The following KCNK12 variants were observed in gnomAD, a reference collection of about 807,000 sequenced individuals.
The protein encoded by KCNK12 is potassium channel subfamily K member 12.
Under a neutral mutation model 25.3 loss-of-function variants are expected in KCNK12, and 6 were observed. The observed-to-expected ratio is 0.24, with a 90% CI of 0.13 to 0.47. The LOEUF is 0.47. KCNK12 is among the 20% of genes least tolerant of loss of function. The probability of loss-of-function intolerance (pLI) is 0.99; values close to 1 mark genes in which losing one functional copy is unlikely to be tolerated. For synonymous variants in KCNK12, 331 were observed against 311.1 expected (o/e 1.06, Z -0.67); for missense variants, 444 against 661.7 (o/e 0.67, Z 3.61).
chr2:47,516,219 C>T lies in KCNK12; in HGVS notation c.*4688G>A, dbSNP rs946284140. ...CAAGTCCATGACTGCCCATTAGAAT[C>T]CCCCCAAAAAATTCCAGGACTGGCC... On this transcript the variant is annotated 3_prime_UTR_variant, in exon 2 of 2. Transcript: ENST00000327876. Among the ~76,000 whole-genome samples, 7 of 152,150 alleles carry T rather than the reference C, an allele frequency of 4.6e-5. No individual in the cohort carries two copies. Among genetic ancestry groups the T allele is most frequent in the African/African-American group, 1.7e-4 (7 of 41,414 alleles).
rs1669768988 is a variant in KCNK12, at chr2:47,565,325, T to C, written c.391+4616A>G. The C allele has an allele frequency of 6.6e-6, 1 of 152,246 alleles. No homozygotes were observed. The highest frequency in any genetic ancestry group is 1.5e-5 in the Non-Finnish European group (1 of 68,044). 9.4% of individuals were successfully genotyped at this position (152,246 alleles called of 1,614,324 possible). ...ATGTGGTAGTGACATTTTGGGCTTATAATGTCTTAGTTTCCTTTGTAGCAA... is the reference window on the plus strand; with the variant it reads ...ATGTGGTAGTGACATTTTGGGCTTACAATGTCTTAGTTTCCTTTGTAGCAA... On this transcript the variant is annotated intron_variant, in intron 1 of 1. Coordinates refer to ENST00000327876, the MANE Select transcript of KCNK12 (RefSeq NM_022055.2). The surrounding 1 kb of genome is among the most constrained non-coding windows in gnomAD (Gnocchi z 5.0).
chr2:47,522,777 G>A lies in KCNK12; in HGVS notation c.392-969C>T, dbSNP rs567170247. 3.9e-5 allele frequency among the ~76,000 whole-genome samples: 6 copies of A among 152,348 alleles called. No individual in the cohort carries two copies. In the South Asian group the frequency reaches 1.0e-3, roughly 26 times the overall value. ...CTAGTTCTTACAGTGTGAATATGGGGTGACAAGAAAATGTGCATTTCAAAT... is the reference window on the plus strand; with the variant it reads ...CTAGTTCTTACAGTGTGAATATGGGATGACAAGAAAATGTGCATTTCAAAT... On this transcript the variant is annotated intron_variant, in intron 1 of 1. Coordinates refer to ENST00000327876, the MANE Select transcript of KCNK12 (RefSeq NM_022055.2).
intron 1 of KCNK12, among the ~76,000 whole-genome samples, chr2:47,546,291 G>A (rs781350148): frequency 4.6e-5 from 7 of 152,234 alleles, no homozygotes; most frequent in Non-Finnish European, 8.8e-5. Flanking sequence ...GTTTTCTGAT[G>A]AAGATGCACT....
At position 47,570,474 on chromosome 2, in the gene KCNK12, T is replaced by C. The variant is rs1267422252; in HGVS notation, c.-143A>G. On this transcript the variant is annotated 5_prime_UTR_variant, in exon 1 of 2. Coordinates refer to ENST00000327876, the MANE Select transcript of KCNK12 (RefSeq NM_022055.2). ...CTCGCCGCCTTCGCAGAGCCCCTCG[T>C]CGCCTTCCCAGAGCCCGGACAGAGG... 1 of 896,390 alleles carries C rather than the reference T, an allele frequency of 1.1e-6. No individual in the cohort carries two copies. Among genetic ancestry groups the C allele is most frequent in the Non-Finnish European group, 1.4e-6 (1 of 695,742 alleles). The allele number at this position is 896,390 out of a possible 1,614,324, so 55.5% of individuals were successfully genotyped here.
chr2:47,520,995 A>G lies in KCNK12; in HGVS notation c.1205T>C (p.Val402Ala). 1 of 1,361,714 alleles carries G rather than the reference A, an allele frequency of 7.3e-7. No homozygotes were observed. The highest frequency in any genetic ancestry group is 1.7e-5 in the South Asian group (1 of 57,870). The allele number at this position is 1,361,714 out of a possible 1,614,324, so 84.4% of individuals were successfully genotyped here. The change falls in exon 2 of 2, where the codon GTC becomes GCC. Residue 402 changes from valine (V) to alanine (A), a missense_variant. Transcript: ENST00000327876. This position sits in a 1 kb window ranked among gnomAD's most constrained non-coding sequence, Gnocchi z 5.0. ...TANGYPRSVC[V>A]NTRQNGFSGG... ...CGAGAAGCCGTTCTGGCGCGTGTTG[A>G]CGCACACGCTGCGCGGGTAGCCGTT...
intron 1 of KCNK12, among the ~76,000 whole-genome samples, chr2:47,532,243 T>TG (rs1215742354): frequency 2.7e-5 from 4 of 150,526 alleles, no homozygotes; most frequent in African/African-American, 9.8e-5. Context: ...AAAAAAACCC[T>TG]GGGGAGCACT....
Position 47,512,575 on chromosome 2 carries a change from A to C in KCNK12, c.*8332T>G, listed in dbSNP as rs534696597. ...GTCAGGAATATAACTTTCTCTGCCC[A>C]GATTCCAGGACTTACAGTGAGAAAG... On this transcript the variant is annotated 3_prime_UTR_variant, in exon 2 of 2. Transcript: ENST00000327876. 1 of 950,074 alleles carries C rather than the reference A, an allele frequency of 1.1e-6. No homozygotes were observed. Among genetic ancestry groups the C allele is most frequent in the African/African-American group, 1.7e-5 (1 of 60,158 alleles). The allele number at this position is 950,074 out of a possible 1,614,324, so 58.9% of individuals were successfully genotyped here.
In KCNK12 at chr2:47,570,048, C is replaced by G. The variant is rs1346592393; in HGVS notation, c.284G>C (p.Arg95Pro). 2.1e-6 allele frequency: 3 copies of G among 1,415,830 alleles called. No individual in the cohort carries two copies. Among genetic ancestry groups the G allele is most frequent in the Non-Finnish European group, 1.8e-6 (2 of 1,085,448 alleles). The allele number at this position is 1,415,830 out of a possible 1,614,324, so 87.7% of individuals were successfully genotyped here. The change falls in exon 1 of 2, where the codon CGG becomes CCG. Residue 95 changes from arginine to proline, a missense_variant. Transcript: ENST00000327876. The part of the protein sequence containing the change: ...VAEPELRAFL[R>P]HYEAALAAGV... ...GGCGGCCAGCGCGGCCTCGTAGTGC[C>G]GGAGGAAGGCGCGCAGCTCTGGCTC...
chr2:47,530,564 C>T (rs200549710), intron 1 of KCNK12, among the ~76,000 whole-genome samples: 13 of 152,186 alleles, frequency 8.5e-5, no homozygotes, highest in Non-Finnish European at 1.9e-4. Flanking sequence ...ACTATTTCCA[C>T]GCACCGTGCC....
In KCNK12 at chr2:47,514,252, T is replaced by G. The variant is rs1573615429; in HGVS notation, c.*6655A>C. Among the ~76,000 whole-genome samples, 1 of 152,360 alleles carries G rather than the reference T, an allele frequency of 6.6e-6. No individual in the cohort carries two copies. Among genetic ancestry groups the G allele is most frequent in the South Asian group, 2.1e-4 (1 of 4,832 alleles). ...GAGAGCCTTCTCTGCCTACCCAGGC[T>G]GGGTGGCTGCCTCTCTTTGGTGTGC... On this transcript the variant is annotated 3_prime_UTR_variant, in exon 2 of 2. Transcript: ENST00000327876. This position sits in a 1 kb window ranked among gnomAD's most constrained non-coding sequence, Gnocchi z 5.0.
chr2:47,563,678 C>T lies in KCNK12; in HGVS notation c.391+6263G>A, dbSNP rs77927218. The stretch of plus-strand genomic sequence containing the variant: ...ACTGGTCCGGACTCCAGCCCCCACC[C>T]CTAATTACAGCAGCTCTGCTCCTAT... On this transcript the variant is annotated intron_variant, in intron 1 of 1. Transcript: ENST00000327876. 4.8e-3 allele frequency: 1,121 copies of T among 233,132 alleles called. 18 individuals are homozygous for T. Among genetic ancestry groups the T allele is most frequent in the African/African-American group, 0.023 (1,053 of 45,426 alleles). The allele number at this position is 233,132 out of a possible 1,614,324, so 14.4% of individuals were successfully genotyped here. A position where few individuals can be genotyped will look rare whatever the true frequency, so the allele number is the denominator to read the frequency against.
intron 1 of KCNK12, among the ~76,000 whole-genome samples, chr2:47,542,874 A>G (rs1669230578): frequency 6.6e-6 from 1 of 152,180 alleles, no homozygotes; most frequent in Non-Finnish European, 1.5e-5. Flanking sequence ...GGGCCAACAA[A>G]TACTTGGGTC....
chr2:47,523,230 TAGAGTTA>T (rs1668699713), intron 1 of KCNK12, among the ~76,000 whole-genome samples: 1 of 152,326 alleles, frequency 6.6e-6, no homozygotes, highest in East Asian at 1.9e-4. Flanking sequence ...ACCAGGTAGC[TAGAGTTA>T]ATGGTCTCTG....
intron 1 of KCNK12, among the ~76,000 whole-genome samples, chr2:47,553,148 C>T (rs1669474619): frequency 6.6e-6 from 1 of 152,214 alleles, no homozygotes; most frequent in Middle Eastern, 3.2e-3. Context: ...GTGAGGTAGA[C>T]CTCATTGCAA....
In KCNK12 at chr2:47,520,487, G is replaced by T. The variant is rs1328508689; in HGVS notation, c.*420C>A. The T allele has an allele frequency of 6.3e-6, 1 of 158,210 alleles. No homozygotes were observed. The highest frequency in any genetic ancestry group is 1.4e-5 in the Non-Finnish European group (1 of 72,404). 9.8% of individuals were successfully genotyped at this position (158,210 alleles called of 1,614,324 possible). On this transcript the variant is annotated 3_prime_UTR_variant, in exon 2 of 2. Transcript: ENST00000327876. This position sits in a 1 kb window ranked among gnomAD's most constrained non-coding sequence, Gnocchi z 5.0. Reference sequence around the variant, plus strand: ...CTGACGACCAGAAGGAAGCTGCTAGGCTGGGCCAGGATTCTAAATGCTGAG... The same window carrying T: ...CTGACGACCAGAAGGAAGCTGCTAGTCTGGGCCAGGATTCTAAATGCTGAG...
At chr2:47,567,372 G>C (rs1669804909) in intron 1 of KCNK12, among the ~76,000 whole-genome samples, 1 of 152,102 alleles carries the variant, frequency 6.6e-6, no homozygotes, top group Non-Finnish European at 1.5e-5. Flanking sequence ...ACCCATACAA[G>C]CATCAATAAT....
At chr2:47,534,605 G>A (rs1373213369) in intron 1 of KCNK12, among the ~76,000 whole-genome samples, 1 of 146,256 alleles carries the variant, frequency 6.8e-6, no homozygotes, top group African/African-American at 2.5e-5. Flanking sequence ...ACCAAGGGAG[G>A]CCTTTGATGG....
At chr2:47,546,709 A>T (rs535916345) in intron 1 of KCNK12, among the ~76,000 whole-genome samples, 1 of 152,304 alleles carries the variant, frequency 6.6e-6, no homozygotes, top group South Asian at 2.1e-4. Flanking sequence ...TAATTACCTC[A>T]ATTTACCTAC....
Position 47,538,507 on chromosome 2 carries a change from AT to A in KCNK12, c.392-16700del, listed in dbSNP as rs1669124060. ...GAAAAAGGACTGGGCATGGTGGCTC[AT>A]GTCTGTAATCCCAGCACTTTGGGAG... On this transcript the variant is annotated intron_variant, in intron 1 of 1. Transcript: ENST00000327876. The surrounding 1 kb of genome is among the most constrained non-coding windows in gnomAD (Gnocchi z 4.5). 6.6e-6 allele frequency among the ~76,000 whole-genome samples: 1 copy of A among 152,216 alleles called. No individual in the cohort carries two copies. The highest frequency in any genetic ancestry group is 2.4e-5 in the African/African-American group (1 of 41,452).
Sources: gnomAD v4.1 joint callset for allele counts (sites outside exome capture counted in the v4.1 genomes callset) on GRCh38, gnomAD v4.1.1 for gene constraint, Gnocchi (gnomAD v3.1) non-coding constraint, MANE v1.5 for transcripts, NCBI Gene and HGNC (gene_info 2026-07-23, HGNC 2026-07-21) for gene names.